Variants in SEMA3E observed in about 807,000 individuals in gnomAD.
The protein encoded by SEMA3E is semaphorin-3E.
In SEMA3E, 49 loss-of-function variants were observed where a neutral mutation model predicts 93.6. That is an observed-to-expected ratio of 0.52 (90% CI 0.42 to 0.66). The LOEUF is 0.66. SEMA3E is among the 30% of genes least tolerant of loss of function. The pLI, the probability that SEMA3E is intolerant of heterozygous loss-of-function variation, is 0.00. For missense variants in SEMA3E, 906 were observed against 964.8 expected, an observed-to-expected ratio of 0.94 and a Z score of 0.81; for synonymous variants, 363 against 330.7, an observed-to-expected ratio of 1.10 and a Z score of -1.06.
chr7:83,387,159 GATCA>G (rs1787898427), intron 14 of SEMA3E, 109 bp from the exon 15 acceptor site: 1 of 874,386 alleles, frequency 1.1e-6, no homozygotes. Flanking sequence ...TGAAAAAAAT[GATCA>G]TTCATATGAA....
chr7:83,436,498 C>T (rs1383114002), intron 4 of SEMA3E, among the ~76,000 whole-genome samples: 1 of 151,650 alleles, frequency 6.6e-6, no homozygotes, highest in African/African-American at 2.4e-5. Flanking sequence ...TATATACACA[C>T]ATATACATAT....
At chr7:83,509,237 G>A (rs1373697500) in intron 1 of SEMA3E, among the ~76,000 whole-genome samples, 1 of 152,166 alleles carries the variant, frequency 6.6e-6, no homozygotes, top group Non-Finnish European at 1.5e-5. Flanking sequence ...AAACCTAGGA[G>A]AGGGATGATT....
At chr7:83,605,008 C>A (rs1793081744) in intron 1 of SEMA3E, among the ~76,000 whole-genome samples, 1 of 152,142 alleles carries the variant, frequency 6.6e-6, no homozygotes. Flanking sequence ...ATATGTATCT[C>A]ATTATCTGTA....
chr7:83,542,988 G>A (rs1791569219), intron 1 of SEMA3E, among the ~76,000 whole-genome samples: 1 of 143,104 alleles, frequency 7.0e-6, no homozygotes, highest in African/African-American at 2.5e-5. Context: ...CTTTATATAT[G>A]TACAGACTAA....
chr7:83,409,856 G>A lies in SEMA3E; in HGVS notation c.551-1369C>T, dbSNP rs968158889. Among the ~76,000 whole-genome samples, 5 of 151,614 alleles carry A rather than the reference G, an allele frequency of 3.3e-5. No individual in the cohort carries two copies. The East Asian group carries it at 5.8e-4, about 18-fold the overall frequency. On this transcript the variant is annotated intron_variant, in intron 5 of 16. Transcript: ENST00000643230. ...TAAAGCTTTGGAAAACTTCAGAAGT[G>A]TAAGCATTTTTGTATGATTTAACAT...
At chr7:83,590,316 A>G (rs1439113986) in intron 1 of SEMA3E, among the ~76,000 whole-genome samples, 1 of 152,172 alleles carries the variant, frequency 6.6e-6, no homozygotes, top group East Asian at 1.9e-4. Context: ...TTTATTTACA[A>G]CATTTAATGT....
chr7:83,518,018 A>G (rs1790968220), intron 1 of SEMA3E, among the ~76,000 whole-genome samples: 1 of 152,196 alleles, frequency 6.6e-6, no homozygotes, highest in Non-Finnish European at 1.5e-5. Flanking sequence ...TGTTATTTCC[A>G]TCAGAGACAG....
chr7:83,389,641 CGT>C (rs1787953002), intron 14 of SEMA3E, among the ~76,000 whole-genome samples: 2 of 150,848 alleles, frequency 1.3e-5, no homozygotes, highest in South Asian at 4.2e-4. Context: ...CACACATACA[CGT>C]ATATATTACA....
At chr7:83,581,349 T>C (rs1314107377) in intron 1 of SEMA3E, among the ~76,000 whole-genome samples, 3 of 152,126 alleles carry the variant, frequency 2.0e-5, no homozygotes, top group African/African-American at 7.2e-5. Flanking sequence ...TTTACAGCCA[T>C]GGATCTTTAA....
At chr7:83,530,999 G>A (rs886884270) in intron 1 of SEMA3E, among the ~76,000 whole-genome samples, 3 of 151,982 alleles carry the variant, frequency 2.0e-5, no homozygotes, top group Admixed American at 6.6e-5. Flanking sequence ...AAACACATAC[G>A]TACATTTTCA....
At chr7:83,437,190 G>C (rs1467760620) in intron 4 of SEMA3E, among the ~76,000 whole-genome samples, 1 of 152,034 alleles carries the variant, frequency 6.6e-6, no homozygotes, top group African/African-American at 2.4e-5. Context: ...ATAAATGATA[G>C]ATTCTTCCAT....
intron 5 of SEMA3E, among the ~76,000 whole-genome samples, chr7:83,409,740 T>C (rs1218887741): frequency 3.3e-5 from 5 of 151,704 alleles, no homozygotes; most frequent in Non-Finnish European, 5.9e-5. Context: ...ATTTAAAAGA[T>C]ATTGAATACT....
chr7:83,476,780 T>A (rs1049579761), intron 2 of SEMA3E, among the ~76,000 whole-genome samples: 1 of 152,184 alleles, frequency 6.6e-6, no homozygotes, highest in Admixed American at 6.5e-5. Context: ...AAAATTAAGC[T>A]ATTTGTTCTG....
At chr7:83,376,982 A>T (rs1787656305) in intron 16 of SEMA3E, among the ~76,000 whole-genome samples, 1 of 151,932 alleles carries the variant, frequency 6.6e-6, no homozygotes, top group Non-Finnish European at 1.5e-5. Context: ...TCTGCCTTAC[A>T]CCACCCCAAA....
In SEMA3E at chr7:83,365,688, T is replaced by A. The variant is rs1016809120; in HGVS notation, c.*1898A>T. Reference sequence around the variant, plus strand: ...TTGCAATTAAAATGATAACTATTTATGTCTTATCTGCCTTTTTAATTTTAA... The same window carrying A: ...TTGCAATTAAAATGATAACTATTTAAGTCTTATCTGCCTTTTTAATTTTAA... On this transcript the variant is annotated 3_prime_UTR_variant, in exon 17 of 17. Coordinates refer to ENST00000643230, the MANE Select transcript of SEMA3E (RefSeq NM_012431.3). 1 of 152,188 alleles carries A rather than the reference T, an allele frequency of 6.6e-6. No homozygotes were observed. The highest frequency in any genetic ancestry group is 2.4e-5 in the African/African-American group (1 of 41,460). 9.4% of individuals were successfully genotyped at this position (152,188 alleles called of 1,614,324 possible).
At chr7:83,402,860 G>C in intron 9 of SEMA3E, 84 bp from the exon 10 acceptor site, 1 of 1,362,548 alleles carries the variant, frequency 7.3e-7, no homozygotes, top group Non-Finnish European at 1.0e-6. Context: ...AAAGATAAGA[G>C]TCAAGTCTTT....
chr7:83,477,626 C>T (rs1790042775), intron 2 of SEMA3E, among the ~76,000 whole-genome samples: 1 of 151,952 alleles, frequency 6.6e-6, no homozygotes, highest in South Asian at 2.1e-4. Context: ...AGCATTTGAA[C>T]TAGAAAAATA....
intron 5 of SEMA3E, among the ~76,000 whole-genome samples, chr7:83,410,245 G>A (rs535578873): frequency 1.3e-5 from 2 of 152,028 alleles, no homozygotes; most frequent in African/African-American, 2.4e-5. Context: ...ATGTGTCAGA[G>A]TGTTAACAAT....
Position 83,648,592 on chromosome 7 carries a change from T to A in SEMA3E, c.-50A>T, listed in dbSNP as rs1794111640. The A allele has an allele frequency of 8.6e-6, 12 of 1,397,962 alleles. No homozygotes were observed. The highest frequency in any genetic ancestry group is 1.2e-5 in the Non-Finnish European group (12 of 988,542). The allele number at this position is 1,397,962 out of a possible 1,614,324, so 86.6% of individuals were successfully genotyped here. Reference sequence around the variant, plus strand: ...CTCGCTCCTCACTTTAAGGAGGGTCTGAGTTTTACTTAGGACTTCCCTCCA... The same window carrying A: ...CTCGCTCCTCACTTTAAGGAGGGTCAGAGTTTTACTTAGGACTTCCCTCCA... On this transcript the variant is annotated 5_prime_UTR_variant, in exon 1 of 17. Transcript: ENST00000643230.
Sources: allele counts gnomAD v4.1 joint callset (sites outside exome capture counted in the v4.1 genomes callset), GRCh38; gene constraint gnomAD v4.1.1; transcripts MANE v1.5; gene names NCBI Gene and HGNC (gene_info 2026-07-23, HGNC 2026-07-21).